Variants in RABEP1 observed in about 807,000 individuals in gnomAD.
RABEP1 encodes rab GTPase-binding effector protein 1.
A neutral mutation model predicts 123.4 loss-of-function variants in RABEP1; 51 were observed. The ratio of observed to expected loss-of-function variants is 0.41; its 90% confidence interval spans 0.33 to 0.52. RABEP1 has a LOEUF of 0.52. Among genes scored for constraint, RABEP1 ranks in the 20% least tolerant of loss-of-function variants. The pLI is 0.16. For missense variants in RABEP1, 888 were observed against 996.3 expected (o/e 0.89, Z 1.46); for synonymous variants, 347 against 355.2 (o/e 0.98, Z 0.26).
At chr17:5,364,695 G>T (rs904211767) in intron 10 of RABEP1, among the ~76,000 whole-genome samples, 1 of 142,434 alleles carries the variant, frequency 7.0e-6, no homozygotes, top group African/African-American at 2.7e-5. Flanking sequence ...ATTGCAGAGC[G>T]AGAGACTCTT....
chr17:5,339,999 A>T (rs536050637), intron 5 of RABEP1, among the ~76,000 whole-genome samples: 54 of 152,312 alleles, frequency 3.5e-4, no homozygotes, highest in African/African-American at 1.3e-3. Flanking sequence ...ACTTGAATGC[A>T]CCTTACATAG....
chr17:5,299,088 A>G (rs967196114), intron 1 of RABEP1, among the ~76,000 whole-genome samples: 8 of 152,232 alleles, frequency 5.3e-5, no homozygotes, highest in Non-Finnish European at 8.8e-5. Flanking sequence ...CTGTGTTCAC[A>G]TATTCCCCAG....
At chr17:5,357,382 T>G (rs1909118188) in intron 8 of RABEP1, among the ~76,000 whole-genome samples, 1 of 152,086 alleles carries the variant, frequency 6.6e-6, no homozygotes, top group South Asian at 2.1e-4. Context: ...GTGACTTTTT[T>G]TGTTTTTTTG....
In RABEP1 at chr17:5,386,073, T is replaced by C. The variant is rs972539251; in HGVS notation, c.*2850T>C. 1.1e-5 allele frequency: 7 copies of C among 639,096 alleles called. No homozygotes were observed. The highest frequency in any genetic ancestry group is 1.9e-5 in the Non-Finnish European group (7 of 366,682). 39.6% of individuals were successfully genotyped at this position (639,096 alleles called of 1,614,324 possible). ...TTTACTCAATTATTATAAAACAACA[T>C]ATTTAAAAAGATGAACCACACCAAA... On this transcript the variant is annotated 3_prime_UTR_variant, in exon 18 of 18. Transcript: ENST00000537505.
chr17:5,301,938 A>C (rs923197556), intron 1 of RABEP1, among the ~76,000 whole-genome samples: 5 of 152,130 alleles, frequency 3.3e-5, no homozygotes, highest in African/African-American at 1.2e-4. Context: ...TGTGGCAAAA[A>C]AGCTAGAGTA....
At chr17:5,381,244 T>C in intron 16 of RABEP1, 145 bp from the exon 17 acceptor site, 1 of 1,128,912 alleles carries the variant, frequency 8.9e-7, no homozygotes, top group Non-Finnish European at 1.2e-6. Flanking sequence ...GCTTGCCCTA[T>C]AGATAAAGAG....
chr17:5,379,658 A>G (rs531443843), intron 15 of RABEP1, among the ~76,000 whole-genome samples: 1 of 152,214 alleles, frequency 6.6e-6, no homozygotes, highest in Admixed American at 6.5e-5. Context: ...CCACTCTTTG[A>G]GTTCAGACTT....
chr17:5,302,153 GA>G (rs1163362954), intron 1 of RABEP1, among the ~76,000 whole-genome samples: 1 of 151,772 alleles, frequency 6.6e-6, no homozygotes, highest in Non-Finnish European at 1.5e-5. Flanking sequence ...CGGTGGGTGT[GA>G]AATTTCAGAT....
At chr17:5,305,663 C>G (rs1378703187) in intron 1 of RABEP1, among the ~76,000 whole-genome samples, 1 of 152,040 alleles carries the variant, frequency 6.6e-6, no homozygotes. Flanking sequence ...CCTTTGTTAC[C>G]TCTGTACTAA....
chr17:5,379,251 CTT>C (rs1274603100), intron 15 of RABEP1, among the ~76,000 whole-genome samples: 2 of 152,174 alleles, frequency 1.3e-5, no homozygotes, highest in Non-Finnish European at 2.9e-5. Context: ...TATTCCCAGT[CTT>C]TTCTTTTTCT....
chr17:5,333,377 T>A (rs1390365842), intron 3 of RABEP1, among the ~76,000 whole-genome samples: 1 of 151,934 alleles, frequency 6.6e-6, no homozygotes, highest in Non-Finnish European at 1.5e-5. Context: ...TTAGCCAGGA[T>A]GGTCTCGATC....
At position 5,386,127 on chromosome 17, in the gene RABEP1, G is replaced by T; in HGVS notation, c.*2904G>T. The T allele has an allele frequency of 9.4e-7, 1 of 1,062,358 alleles. No individual in the cohort carries two copies. The highest frequency in any genetic ancestry group is 1.4e-6 in the Non-Finnish European group (1 of 721,496). 65.8% of individuals were successfully genotyped at this position (1,062,358 alleles called of 1,614,324 possible). ...CATCAAAACACCTTTTTATAAATTA[G>T]ATAATTCTACCTGTTTTACAATATG... On this transcript the variant is annotated 3_prime_UTR_variant, in exon 18 of 18. Transcript: ENST00000537505.
At chr17:5,293,067 A>T (rs1281139737) in intron 1 of RABEP1, among the ~76,000 whole-genome samples, 2 of 152,094 alleles carry the variant, frequency 1.3e-5, no homozygotes, top group African/African-American at 4.8e-5. Context: ...AGGCAGGTGG[A>T]TCCCTTGAGG....
intron 8 of RABEP1, 53 bp downstream of exon 8, chr17:5,354,543 G>T: frequency 1.3e-6 from 2 of 1,521,316 alleles, no homozygotes; most frequent in Non-Finnish European, 1.8e-6. Context: ...AACAATTTTA[G>T]CTTACTCATA....
chr17:5,291,206 T>A (rs2075029933), intron 1 of RABEP1, among the ~76,000 whole-genome samples: 1 of 152,070 alleles, frequency 6.6e-6, no homozygotes, highest in Admixed American at 6.6e-5. Flanking sequence ...GTCAGGACTT[T>A]GAGACCAGCC....
At chr17:5,287,027 G>A (rs2074985211) in intron 1 of RABEP1, among the ~76,000 whole-genome samples, 1 of 152,324 alleles carries the variant, frequency 6.6e-6, no homozygotes, top group South Asian at 2.1e-4. Flanking sequence ...CTTGAGGGCG[G>A]AAGCATGTCT....
At chr17:5,373,653 C>T (rs1401268829) in intron 13 of RABEP1, among the ~76,000 whole-genome samples, 199 bp downstream of exon 13, 1 of 150,222 alleles carries the variant, frequency 6.7e-6, no homozygotes, top group South Asian at 2.1e-4. Context: ...ATTTTCATCA[C>T]CTCAAGTAGT....
In RABEP1 at chr17:5,351,438, T is replaced by G. The variant is rs184154292; in HGVS notation, c.963+809T>G. Reference sequence around the variant, plus strand: ...GGTAGAGAGCCTTCTAAACCAGTTCTGTGTGTTTATGATATACATTTAGGG... The same window carrying G: ...GGTAGAGAGCCTTCTAAACCAGTTCGGTGTGTTTATGATATACATTTAGGG... On this transcript the variant is annotated intron_variant, in intron 7 of 17. Coordinates refer to ENST00000537505, the MANE Select transcript of RABEP1 (RefSeq NM_004703.6). 2.0e-5 allele frequency among the ~76,000 whole-genome samples: 3 copies of G among 152,214 alleles called. No homozygotes were observed. In the East Asian group the frequency reaches 5.8e-4, roughly 29 times the overall value.
chr17:5,320,421 C>A (rs371266018), intron 2 of RABEP1, among the ~76,000 whole-genome samples: 46 of 84,630 alleles, frequency 5.4e-4, no homozygotes, highest in South Asian at 1.3e-3. Flanking sequence ...GCTAACACAC[C>A]AAAAAAAAAA....
Sources: allele counts gnomAD v4.1 joint callset (sites outside exome capture counted in the v4.1 genomes callset), GRCh38; gene constraint gnomAD v4.1.1; transcripts MANE v1.5; gene names NCBI Gene and HGNC (gene_info 2026-07-23, HGNC 2026-07-21).